OIT3: variants seen among roughly 807,000 people sequenced by gnomAD.
OIT3 encodes oncoprotein induced transcript 3, also known as oncoprotein-induced transcript 3 protein.
In OIT3, 41 loss-of-function variants were observed where a neutral mutation model predicts 52.2. The ratio of observed to expected loss-of-function variants is 0.79; its 90% CI spans 0.61 to 1.02. The LOEUF is 1.02. OIT3 is among the 50% of genes least tolerant of loss of function. The pLI is 0.00. For synonymous variants in OIT3, 244 were observed against 276.9 expected, an observed-to-expected ratio of 0.88 and a Z score of 1.18; for missense variants, 634 against 715.5, an observed-to-expected ratio of 0.89 and a Z score of 1.30.
Position 72,898,856 on chromosome 10 carries a change from C to G in OIT3, c.254C>G (p.Pro85Arg). 1 of 1,614,178 alleles carries G rather than the reference C, an allele frequency of 6.2e-7. No homozygotes were observed. Among genetic ancestry groups the G allele is most frequent in the Non-Finnish European group, 8.5e-7 (1 of 1,180,018 alleles). The change falls in exon 2 of 9, where the codon CCT becomes CGT. Residue 85 changes from proline to arginine, a missense_variant. Pro to Arg is a moderately radical substitution (Grantham distance 103). Transcript: ENST00000334011. The part of the protein sequence containing the change: ...IPENHCGTHA[P>R]VWLNGSHPLE... ...GAAAACCACTGTGGAACCCACGCAC[C>G]TGTCTGGCTCAATGGCAGCCACCCC...
rs1846148244 is a variant in OIT3, at chr10:72,924,311, T to C, written c.1034T>C (p.Ile345Thr). The change falls in exon 7 of 9, where the codon ATC (isoleucine) becomes ACC (threonine). Residue 345 changes from isoleucine (I) to threonine (T), a missense_variant. Coordinates refer to ENST00000334011, the MANE Select transcript of OIT3 (RefSeq NM_152635.3). ...CCGGGGAGCAGCGGGGACTTCATCATCCGAACCAGCAAGCTGCTGATCCCG... is the reference window on the plus strand; with the variant it reads ...CCGGGGAGCAGCGGGGACTTCATCACCCGAACCAGCAAGCTGCTGATCCCG... ...QTPGSSGDFI[I>T]RTSKLLIPVT... 1 of 1,614,044 alleles carries C rather than the reference T, an allele frequency of 6.2e-7. No homozygotes were observed.
At chr10:72,901,797 G>A (rs550214884) in intron 3 of OIT3, among the ~76,000 whole-genome samples, 9 of 152,092 alleles carry the variant, frequency 5.9e-5, no homozygotes, top group Non-Finnish European at 1.0e-4. Flanking sequence ...TAATCCCAGC[G>A]CTTTGAGAGG....
chr10:72,928,789 T>C (rs1846190010), intron 7 of OIT3, among the ~76,000 whole-genome samples: 2 of 152,140 alleles, frequency 1.3e-5, no homozygotes, highest in Admixed American at 6.5e-5. Context: ...CCACATTATG[T>C]TTAGATCCCC....
chr10:72,924,187 A>G lies in OIT3; in HGVS notation c.952-42A>G, dbSNP rs1352148435. On this transcript the variant is annotated intron_variant, in intron 6 of 8. Transcript: ENST00000334011. Reference sequence around the variant, plus strand: ...AGGGGGAAAAAAAACTGTAGAAACAAACAGACAATCTCTTTCCTCTCCTCA... The same window carrying G: ...AGGGGGAAAAAAAACTGTAGAAACAGACAGACAATCTCTTTCCTCTCCTCA... 4.0e-6 allele frequency: 6 copies of G among 1,515,594 alleles called. No homozygotes were observed. The African/African-American group carries it at 7.0e-5, about 18-fold the overall frequency. The allele number at this position is 1,515,594 out of a possible 1,614,324, so 93.9% of individuals were successfully genotyped here.
chr10:72,927,695 C>G (rs1426892386), intron 7 of OIT3, among the ~76,000 whole-genome samples: 1 of 152,200 alleles, frequency 6.6e-6, no homozygotes, highest in African/African-American at 2.4e-5. Flanking sequence ...CCTCAGCCCC[C>G]TCGAGTTTCT....
intron 5 of OIT3, 62 bp from the exon 6 acceptor site, chr10:72,913,245 TC>T: frequency 1.5e-6 from 2 of 1,356,664 alleles, no homozygotes; most frequent in East Asian, 4.7e-5. Flanking sequence ...AAATTATTTC[TC>T]CTAAAAGCCT....
Position 72,898,940 on chromosome 10 carries a change from G to T in OIT3, c.338G>T (p.Cys113Phe), listed in dbSNP as rs1293435967. ...QACASFNGNC[C>F]LWNTTVEVKA... ...TGTGCCAGCTTCAATGGGAACTGCTGTCTCTGGAACACCACGGTGGAAGTC... is the reference window on the plus strand; with the variant it reads ...TGTGCCAGCTTCAATGGGAACTGCTTTCTCTGGAACACCACGGTGGAAGTC... The change falls in exon 2 of 9, where the codon TGT (cysteine) becomes TTT (phenylalanine). Residue 113 changes from cysteine (C) to phenylalanine (F), a missense_variant. Coordinates refer to ENST00000334011, the MANE Select transcript of OIT3 (RefSeq NM_152635.3). 6.2e-7 allele frequency: 1 copy of T among 1,614,194 alleles called. No individual in the cohort carries two copies.
intron 6 of OIT3, among the ~76,000 whole-genome samples, chr10:72,923,510 C>T (rs1291728266): frequency 3.3e-5 from 5 of 152,044 alleles, no homozygotes; most frequent in Admixed American, 6.5e-5. Flanking sequence ...GCTGTGGTAC[C>T]GTTTCCTTCA....
At chr10:72,895,748 G>T (rs1367827488) in intron 1 of OIT3, among the ~76,000 whole-genome samples, 1 of 152,180 alleles carries the variant, frequency 6.6e-6, no homozygotes, top group Non-Finnish European at 1.5e-5. Flanking sequence ...CGTGGTCCTG[G>T]TGGAAGACAG....
intron 1 of OIT3, 71 bp from the exon 2 acceptor site, chr10:72,898,593 G>T: frequency 1.4e-6 from 2 of 1,408,544 alleles, no homozygotes; most frequent in Non-Finnish European, 1.9e-6. Flanking sequence ...AGACCAAGAA[G>T]TTGGACTTGG....
chr10:72,904,040 C>T lies in OIT3; in HGVS notation c.545-2556C>T, dbSNP rs139597741. 5.6e-4 allele frequency among the ~76,000 whole-genome samples: 86 copies of T among 152,264 alleles called. 2 individuals carry two copies. The highest frequency in any genetic ancestry group is 6.5e-5 in the Admixed American group (1 of 15,292). Reference sequence around the variant, plus strand: ...CACCCTGGGCCTGGTAGTTAAAGATCGACCCCTGACCTAACCGGTTATGTT... The same window carrying T: ...CACCCTGGGCCTGGTAGTTAAAGATTGACCCCTGACCTAACCGGTTATGTT... On this transcript the variant is annotated intron_variant, in intron 3 of 8. Coordinates refer to ENST00000334011, the MANE Select transcript of OIT3 (RefSeq NM_152635.3).
At position 72,913,976 on chromosome 10, in the gene OIT3, A is replaced by G. The variant is rs987451022; in HGVS notation, c.951+508A>G. On this transcript the variant is annotated intron_variant, in intron 6 of 8. Transcript: ENST00000334011. ...CACAGCAGAATTGAGATGACGACAC[A>G]GAAAATGTAAGGAAAGGATGAACAG... Among the ~76,000 whole-genome samples, 3 of 152,238 alleles carry G rather than the reference A, an allele frequency of 2.0e-5. No homozygotes were observed. In the East Asian group the frequency reaches 5.8e-4, roughly 29 times the overall value.
intron 3 of OIT3, among the ~76,000 whole-genome samples, chr10:72,904,656 C>T (rs1385761647): frequency 6.6e-6 from 1 of 152,070 alleles, no homozygotes; most frequent in Admixed American, 6.6e-5. Context: ...TCTTTAAATA[C>T]TTGTATTATG....
chr10:72,917,924 A>G, intron 6 of OIT3: 1 of 1,081,192 alleles, frequency 9.2e-7, no homozygotes, highest in South Asian at 1.2e-5. Flanking sequence ...TTTTGGCTGG[A>G]GTATCTTGTA....
chr10:72,926,782 T>A (rs923216725), intron 7 of OIT3, among the ~76,000 whole-genome samples: 1 of 152,250 alleles, frequency 6.6e-6, no homozygotes, highest in African/African-American at 2.4e-5. Flanking sequence ...ATTTTGTATT[T>A]ATTTTTTTCA....
rs759228078 is a variant in OIT3 at position 72,924,444 on chromosome 10, C to T, written c.1167C>T (p.Phe389=). The T allele has an allele frequency of 6.2e-7, 1 of 1,614,008 alleles. No homozygotes were observed. Among genetic ancestry groups the T allele is most frequent in the South Asian group, 1.1e-5 (1 of 91,082 alleles). Residue 389 remains phenylalanine (F), a synonymous_variant, in exon 7 of 9, where the codon TTC becomes TTT. Coordinates refer to ENST00000334011, the MANE Select transcript of OIT3 (RefSeq NM_152635.3). ...GCCGAAATCATGGGATCTTCCCATT[C>T]ACTCTGGAGATCTTCAAGGACAATG... The part of the protein sequence containing the change: ...IMSRNHGIFP[F]TLEIFKDNEF...
At chr10:72,918,603 A>T in intron 6 of OIT3, 1 of 756,288 alleles carries the variant, frequency 1.3e-6, no homozygotes, top group Non-Finnish European at 2.4e-6. Flanking sequence ...TCAAGAGAAC[A>T]GCCGCACAGG....
At chr10:72,930,383 G>A (rs1846205298) in intron 7 of OIT3, among the ~76,000 whole-genome samples, 155 bp from the exon 8 acceptor site, 1 of 152,182 alleles carries the variant, frequency 6.6e-6, no homozygotes, top group South Asian at 2.1e-4. Context: ...CCTTCACAGG[G>A]AAAAATTTAA....
At position 72,932,588 on chromosome 10, in the gene OIT3, C is replaced by T. The variant is rs112012846; in HGVS notation, c.*64C>T. 5.3e-5 allele frequency: 77 copies of T among 1,443,624 alleles called. 1 individual carries two copies. The highest frequency in any genetic ancestry group is 1.9e-4 in the South Asian group (14 of 73,438). The allele number at this position is 1,443,624 out of a possible 1,614,324, so 89.4% of individuals were successfully genotyped here. On this transcript the variant is annotated 3_prime_UTR_variant, in exon 9 of 9. Coordinates refer to ENST00000334011, the MANE Select transcript of OIT3 (RefSeq NM_152635.3). ...TGCTCTTTGGAGCTTCTCCCCCCAC[C>T]GCCCTCTAAGAACATCTGCCAACAG...
Sources: allele counts gnomAD v4.1 joint callset (sites outside exome capture counted in the v4.1 genomes callset), GRCh38; gene constraint gnomAD v4.1.1; transcripts MANE v1.5; gene names NCBI Gene and HGNC (gene_info 2026-07-23, HGNC 2026-07-21).